The following FSTL5 variants were observed in gnomAD, a reference collection of about 807,000 sequenced individuals.
FSTL5 encodes the protein follistatin like 5, also known as follistatin-related protein 5.
Under a neutral mutation model 89.1 loss-of-function variants are expected in FSTL5, and 62 were observed. The ratio of observed to expected loss-of-function variants is 0.70; its 90% CI spans 0.57 to 0.86. The LOEUF (loss-of-function observed/expected upper bound fraction) is 0.86. Ranked by LOEUF, FSTL5 falls within the 40% of genes least tolerant of loss-of-function variation. The probability of loss-of-function intolerance (pLI) is 0.00; values close to 1 mark genes in which losing one functional copy is unlikely to be tolerated. For missense variants in FSTL5, 1,057 were observed against 1,001.6 expected, an observed-to-expected ratio of 1.06 and a Z score of -0.75; for synonymous variants, 383 against 346.2, an observed-to-expected ratio of 1.11 and a Z score of -1.18.
chr4:161,959,788 T>C (rs1735121813), intron 3 of FSTL5, among the ~76,000 whole-genome samples: 1 of 152,108 alleles, frequency 6.6e-6, no homozygotes, highest in African/African-American at 2.4e-5. Context: ...AGAAAGCTAA[T>C]TCAGAGGTGT....
At chr4:161,613,294 T>C (rs1734716045) in intron 7 of FSTL5, among the ~76,000 whole-genome samples, 2 of 151,686 alleles carry the variant, frequency 1.3e-5, no homozygotes, top group Admixed American at 6.6e-5. Flanking sequence ...CTACTAAAAA[T>C]ACAAAAATTA....
chr4:161,620,153 C>T (rs1157832167), intron 7 of FSTL5, among the ~76,000 whole-genome samples: 12 of 129,006 alleles, frequency 9.3e-5, no homozygotes, highest in African/African-American at 3.7e-4. Context: ...ATCACATGGA[C>T]ACAGGAAGGG....
intron 6 of FSTL5, among the ~76,000 whole-genome samples, chr4:161,661,668 T>G (rs932209348): frequency 6.6e-6 from 1 of 152,152 alleles, no homozygotes; most frequent in African/African-American, 2.4e-5. Flanking sequence ...TGCCAAGATA[T>G]TCATAAATTT....
intron 3 of FSTL5, among the ~76,000 whole-genome samples, chr4:161,948,424 T>G (rs887231111): frequency 2.0e-5 from 3 of 151,646 alleles, no homozygotes; most frequent in African/African-American, 2.4e-5. Flanking sequence ...TTGTTTCCAA[T>G]TTTTGAGGGA....
intron 6 of FSTL5, among the ~76,000 whole-genome samples, chr4:161,696,185 A>T (rs1370146658): frequency 1.3e-5 from 2 of 152,200 alleles, no homozygotes; most frequent in Non-Finnish European, 2.9e-5. Flanking sequence ...GTGGCCTGCC[A>T]ATTAACTCAA....
At chr4:161,472,509 C>T (rs1051001600) in intron 13 of FSTL5, among the ~76,000 whole-genome samples, 2 of 151,964 alleles carry the variant, frequency 1.3e-5, no homozygotes, top group African/African-American at 4.8e-5. Flanking sequence ...CCCCTGGCAT[C>T]CTTCAGCACT....
chr4:161,638,356 G>C (rs1189936995), intron 7 of FSTL5, among the ~76,000 whole-genome samples: 2 of 152,000 alleles, frequency 1.3e-5, no homozygotes, highest in Non-Finnish European at 2.9e-5. Context: ...AGCTTAAGGA[G>C]ATTTTGGGCT....
At chr4:161,914,707 T>C (rs868036740) in intron 4 of FSTL5, among the ~76,000 whole-genome samples, 12 of 152,308 alleles carry the variant, frequency 7.9e-5, no homozygotes, top group Middle Eastern at 6.8e-3. Context: ...CATTTCTATG[T>C]TAATTTGACC....
chr4:162,074,870 T>TAGCCC (rs1226697128), intron 2 of FSTL5, among the ~76,000 whole-genome samples: 1 of 151,782 alleles, frequency 6.6e-6, no homozygotes, highest in African/African-American at 2.4e-5. Context: ...TACCTTAGCC[T>TAGCCC]AGCCCACCTT....
chr4:161,699,098 C>A (rs1396569899), intron 6 of FSTL5, among the ~76,000 whole-genome samples: 1 of 152,092 alleles, frequency 6.6e-6, no homozygotes, highest in Non-Finnish European at 1.5e-5. Context: ...AATTAGCTAG[C>A]TGGGTGACTT....
intron 2 of FSTL5, among the ~76,000 whole-genome samples, chr4:162,106,240 A>G (rs1282740808): frequency 6.6e-6 from 1 of 152,222 alleles, no homozygotes; most frequent in African/African-American, 2.4e-5. Context: ...TTGTGGAGGT[A>G]GCTCTGCACT....
At chr4:161,389,060 A>G (rs543431526) in intron 15 of FSTL5, among the ~76,000 whole-genome samples, 5 of 152,214 alleles carry the variant, frequency 3.3e-5, no homozygotes, top group African/African-American at 1.2e-4. Context: ...GAATGCCTGC[A>G]ATTTTTCACT....
At chr4:162,030,316 A>G (rs1737472203) in intron 3 of FSTL5, among the ~76,000 whole-genome samples, 1 of 152,152 alleles carries the variant, frequency 6.6e-6, no homozygotes, top group South Asian at 2.1e-4. Flanking sequence ...AAATGAGATG[A>G]TATATGTAGA....
At chr4:162,007,363 G>C (rs1736642451) in intron 3 of FSTL5, among the ~76,000 whole-genome samples, 2 of 151,814 alleles carry the variant, frequency 1.3e-5, no homozygotes, top group South Asian at 4.1e-4. Context: ...ACATAAAGGA[G>C]CTATAAGTAA....
chr4:161,692,260 T>C (rs1176645748), intron 6 of FSTL5, among the ~76,000 whole-genome samples: 2 of 152,046 alleles, frequency 1.3e-5, no homozygotes, highest in African/African-American at 4.8e-5. Context: ...TCATTCATTT[T>C]TATTTTGCTG....
chr4:161,681,743 T>C (rs750208290), intron 6 of FSTL5, among the ~76,000 whole-genome samples: 11 of 152,172 alleles, frequency 7.2e-5, no homozygotes, highest in Non-Finnish European at 1.5e-4. Context: ...AAATTTAATT[T>C]AATAAAATAG....
At chr4:161,814,444 A>G (rs1355594586) in intron 4 of FSTL5, among the ~76,000 whole-genome samples, 3 of 152,158 alleles carry the variant, frequency 2.0e-5, no homozygotes, top group Non-Finnish European at 4.4e-5. Context: ...TAACATTTCA[A>G]TGTTTGAACT....
chr4:162,031,678 C>A (rs906834549), intron 3 of FSTL5, among the ~76,000 whole-genome samples: 1 of 152,140 alleles, frequency 6.6e-6, no homozygotes, highest in East Asian at 1.9e-4. Flanking sequence ...TGGCTCAAGC[C>A]TGTAATCCCA....
At chr4:161,474,118 C>A (rs1418385059) in intron 13 of FSTL5, among the ~76,000 whole-genome samples, 2 of 151,918 alleles carry the variant, frequency 1.3e-5, no homozygotes, top group East Asian at 1.9e-4. Flanking sequence ...CTATATTCTG[C>A]AGCTATTTTC....
Sources: allele counts gnomAD v4.1 joint callset (sites outside exome capture counted in the v4.1 genomes callset), GRCh38; gene constraint gnomAD v4.1.1; transcripts MANE v1.5; gene names NCBI Gene and HGNC (gene_info 2026-07-23, HGNC 2026-07-21).